KCNB2: variants seen among roughly 807,000 people sequenced by gnomAD.
KCNB2 encodes the protein delayed rectifier potassium channel protein.
KCNB2 carries 15 observed loss-of-function variants against 61.5 expected under a neutral mutation model. The observed-to-expected ratio is 0.24, with a 90% CI of 0.16 to 0.38. KCNB2 has a LOEUF of 0.38. Ranked by LOEUF, KCNB2 falls within the 10% of genes least tolerant of loss-of-function variation. The pLI is 1.00. For missense variants in KCNB2, 828 were observed against 1,125.2 expected, an observed-to-expected ratio of 0.74 and a Z score of 3.78; for synonymous variants, 457 against 446.0, an observed-to-expected ratio of 1.02 and a Z score of -0.31.
At chr8:72,782,786 T>G (rs929083225) in intron 2 of KCNB2, among the ~76,000 whole-genome samples, 1 of 152,212 alleles carries the variant, frequency 6.6e-6, no homozygotes, top group African/African-American at 2.4e-5. Flanking sequence ...TTGAAAAATT[T>G]CTGTTGACCT....
intron 2 of KCNB2, among the ~76,000 whole-genome samples, chr8:72,834,691 A>G (rs1467003104): frequency 6.6e-6 from 1 of 152,128 alleles, no homozygotes; most frequent in Non-Finnish European, 1.5e-5. Context: ...CCATACTAGT[A>G]TTAATTGATA....
chr8:72,641,647 A>G (rs1468131141), intron 2 of KCNB2, among the ~76,000 whole-genome samples: 1 of 152,118 alleles, frequency 6.6e-6, no homozygotes, highest in African/African-American at 2.4e-5. Context: ...CATGATGACC[A>G]AACACTAGAA....
intron 2 of KCNB2, among the ~76,000 whole-genome samples, chr8:72,608,568 C>A (rs1805490239): frequency 6.6e-6 from 1 of 152,014 alleles, no homozygotes; most frequent in African/African-American, 2.4e-5. Context: ...TTAGAAATGC[C>A]TGTGGGTGTG....
chr8:72,697,783 A>T (rs187459467), intron 2 of KCNB2, among the ~76,000 whole-genome samples: 2 of 152,314 alleles, frequency 1.3e-5, no homozygotes, highest in East Asian at 3.9e-4. Flanking sequence ...TTTTTTTCTA[A>T]CATGAAGCAG....
rs1198747502 is a variant in KCNB2 at position 72,938,166 on chromosome 8, G to A, written c.*75G>A. ...GTTTCTTAAAAATGCGGTTAATAAT[G>A]CCTGTGAACTAAAAAAATGGGAAGC... On this transcript the variant is annotated 3_prime_UTR_variant, in exon 3 of 3. Transcript: ENST00000523207. 1 of 1,216,618 alleles carries A rather than the reference G, an allele frequency of 8.2e-7. No homozygotes were observed. The highest frequency in any genetic ancestry group is 2.4e-5 in the East Asian group (1 of 42,454). The allele number at this position is 1,216,618 out of a possible 1,614,324, so 75.4% of individuals were successfully genotyped here.
chr8:72,664,788 G>A (rs536222666), intron 2 of KCNB2, among the ~76,000 whole-genome samples: 2 of 152,274 alleles, frequency 1.3e-5, no homozygotes, highest in African/African-American at 4.8e-5. Flanking sequence ...ATCACAATAT[G>A]TTAGAAAACG....
intron 2 of KCNB2, among the ~76,000 whole-genome samples, chr8:72,829,659 G>A (rs1809657968): frequency 6.6e-6 from 1 of 152,168 alleles, no homozygotes; most frequent in Non-Finnish European, 1.5e-5. Context: ...TAAATGATGG[G>A]TTGGAACTGC....
In KCNB2 at chr8:72,544,473, T is replaced by C. The variant is rs527718461; in HGVS notation, c.-94+6588T>C. ...GGATCAACTTTAACAGGAGAAAAGA[T>C]TGATACTTTGGAGACTAGTTAGGAG... is the stretch of plus-strand genomic sequence containing the variant. On this transcript the variant is annotated intron_variant, in intron 1 of 2. Transcript: ENST00000523207. Among the ~76,000 whole-genome samples the C allele has an allele frequency of 2.0e-5, 3 of 152,306 alleles. No homozygotes were observed. In the East Asian group the frequency reaches 5.8e-4, roughly 29 times the overall value.
chr8:72,635,888 A>T (rs1166052826), intron 2 of KCNB2, among the ~76,000 whole-genome samples: 1 of 152,138 alleles, frequency 6.6e-6, no homozygotes. Flanking sequence ...CTGATTTCTG[A>T]TACCTGCCCT....
intron 2 of KCNB2, among the ~76,000 whole-genome samples, chr8:72,606,070 A>T (rs549270815): frequency 6.6e-6 from 1 of 152,342 alleles, no homozygotes; most frequent in East Asian, 1.9e-4. Flanking sequence ...TGGTGAGTAT[A>T]CAGAATATAT....
intron 2 of KCNB2, among the ~76,000 whole-genome samples, chr8:72,865,397 C>G (rs1805500535): frequency 6.6e-6 from 1 of 152,084 alleles, no homozygotes; most frequent in Non-Finnish European, 1.5e-5. Context: ...TCTTATTGTT[C>G]TTTTCCGTTC....
At chr8:72,791,354 G>A (rs925909478) in intron 2 of KCNB2, among the ~76,000 whole-genome samples, 5 of 151,966 alleles carry the variant, frequency 3.3e-5, no homozygotes, top group African/African-American at 7.2e-5. Context: ...GTTTGAGACC[G>A]GCCTGAGCAA....
At chr8:72,569,585 T>C (rs1394742027) in intron 2 of KCNB2, among the ~76,000 whole-genome samples, 1 of 152,142 alleles carries the variant, frequency 6.6e-6, no homozygotes, top group African/African-American at 2.4e-5. Flanking sequence ...TAGAAGACTT[T>C]AGGTTTTTTT....
At chr8:72,545,389 C>A (rs1038493981) in intron 1 of KCNB2, among the ~76,000 whole-genome samples, 15 of 152,172 alleles carry the variant, frequency 9.9e-5, no homozygotes, top group African/African-American at 3.6e-4. Context: ...CAACAGTGTG[C>A]TCACTTCTTG....
chr8:72,687,890 C>T (rs2128989757), intron 2 of KCNB2, among the ~76,000 whole-genome samples: 1 of 152,302 alleles, frequency 6.6e-6, no homozygotes, highest in East Asian at 1.9e-4. Flanking sequence ...AGTTGGGTTT[C>T]TCTCAGCCTA....
intron 2 of KCNB2, among the ~76,000 whole-genome samples, chr8:72,862,365 C>G (rs1195277167): frequency 2.0e-5 from 3 of 152,124 alleles, no homozygotes; most frequent in Non-Finnish European, 4.4e-5. Context: ...CATGAACGCA[C>G]TAGTATTTTT....
intron 2 of KCNB2, among the ~76,000 whole-genome samples, chr8:72,684,439 G>A (rs1806814169): frequency 1.3e-5 from 2 of 152,094 alleles, no homozygotes; most frequent in Admixed American, 6.5e-5. Flanking sequence ...GGGGCAGAGT[G>A]GGTAGGAGTA....
intron 2 of KCNB2, among the ~76,000 whole-genome samples, chr8:72,654,001 A>G (rs1384589378): frequency 7.2e-5 from 11 of 152,194 alleles, no homozygotes; most frequent in Non-Finnish European, 1.6e-4. Flanking sequence ...AATTCTGTTA[A>G]GACAAGATTA....
chr8:72,564,002 A>G (rs1197097421), intron 1 of KCNB2, among the ~76,000 whole-genome samples: 1 of 152,226 alleles, frequency 6.6e-6, no homozygotes, highest in East Asian at 1.9e-4. Flanking sequence ...TATCCCTGCT[A>G]TGAAGAAAGG....
Sources: allele counts gnomAD v4.1 joint callset (sites outside exome capture counted in the v4.1 genomes callset), GRCh38; gene constraint gnomAD v4.1.1; transcripts MANE v1.5; gene names NCBI Gene and HGNC (gene_info 2026-07-23, HGNC 2026-07-21).